The following ZDHHC7 variants were observed in gnomAD, a reference collection of about 807,000 sequenced individuals.
The protein encoded by ZDHHC7 is palmitoyltransferase ZDHHC7.
A neutral mutation model predicts 34.1 loss-of-function variants in ZDHHC7; 12 were observed. The observed-to-expected ratio is 0.35, with a 90% CI of 0.23 to 0.57. The LOEUF (loss-of-function observed/expected upper bound fraction) is 0.57. ZDHHC7 is among the 20% of genes least tolerant of loss of function. ZDHHC7 has a pLI of 0.84. For missense variants in ZDHHC7, 388 were observed against 402.7 expected, an observed-to-expected ratio of 0.96 and a Z score of 0.31; for synonymous variants, 185 against 155.4, an observed-to-expected ratio of 1.19 and a Z score of -1.42.
the ZDHHC7 span, among the ~76,000 whole-genome samples, chr16:85,018,566 G>C: frequency 2.6e-5 from 4 of 151,888 alleles, no homozygotes; most frequent in African/African-American, 9.7e-5. Context: ...TCCTGCCTCA[G>C]CCTCCCTGGT....
chr16:84,995,625 CA>C (rs201447446), intron 2 of ZDHHC7, among the ~76,000 whole-genome samples: 1 of 149,830 alleles, frequency 6.7e-6, no homozygotes, highest in South Asian at 2.1e-4. Flanking sequence ...GACTCCATCT[CA>C]AAAAAAACAG....
chr16:84,986,637 T>C (rs1567496264), intron 3 of ZDHHC7, among the ~76,000 whole-genome samples: 1 of 152,146 alleles, frequency 6.6e-6, no homozygotes, highest in African/African-American at 2.4e-5. Flanking sequence ...GCAGGGTTCA[T>C]TGCTCTATCA....
intron 1 of ZDHHC7, among the ~76,000 whole-genome samples, chr16:85,000,369 G>A (rs1329324300): frequency 6.6e-6 from 1 of 152,194 alleles, no homozygotes; most frequent in East Asian, 1.9e-4. Context: ...GTAACTTCAA[G>A]CAAGTGTCTT....
Position 84,990,724 on chromosome 16 carries a change from T to C in ZDHHC7, c.-17-89A>G, listed in dbSNP as rs557839433. On this transcript the variant is annotated intron_variant, in intron 2 of 7. Coordinates refer to ENST00000313732, the MANE Select transcript of ZDHHC7 (RefSeq NM_017740.3). The stretch of plus-strand genomic sequence containing the variant: ...ATGTGTTACAGTTTGTCCTTGGCCA[T>C]TTCATGAAGTTAGTCTAAATACACA... The C allele has an allele frequency of 4.3e-4, 457 of 1,065,412 alleles. 6 individuals carry two copies. In the South Asian group the frequency reaches 6.9e-3, roughly 16 times the overall value. 66.0% of individuals were successfully genotyped at this position (1,065,412 alleles called of 1,614,324 possible).
intron 5 of ZDHHC7, among the ~76,000 whole-genome samples, chr16:84,978,637 C>T (rs1456245402): frequency 3.3e-5 from 5 of 151,932 alleles, no homozygotes; most frequent in East Asian, 1.9e-4. Flanking sequence ...CCGAGGTGGG[C>T]GGATCGCCTG....
At chr16:85,001,610 G>A (rs2072654366) in intron 1 of ZDHHC7, among the ~76,000 whole-genome samples, 1 of 152,106 alleles carries the variant, frequency 6.6e-6, no homozygotes, top group Non-Finnish European at 1.5e-5. Context: ...GTTGCATATG[G>A]AAATATCTAC....
At chr16:85,009,458 T>C (rs1459629697) in intron 1 of ZDHHC7, among the ~76,000 whole-genome samples, 1 of 151,724 alleles carries the variant, frequency 6.6e-6, no homozygotes, top group East Asian at 1.9e-4. Context: ...TTCAATTCAT[T>C]AATCTGTCAA....
intron 1 of ZDHHC7, among the ~76,000 whole-genome samples, chr16:85,005,340 G>T (rs1296039809): frequency 6.6e-6 from 1 of 152,154 alleles, no homozygotes; most frequent in African/African-American, 2.4e-5. Context: ...AATACATTTA[G>T]CCCTCAATTA....
At chr16:84,998,225 C>T (rs1288361552) in intron 1 of ZDHHC7, among the ~76,000 whole-genome samples, 1 of 148,320 alleles carries the variant, frequency 6.7e-6, no homozygotes. Flanking sequence ...GATCGCACCA[C>T]TGCACTCCAG....
intron 1 of ZDHHC7, among the ~76,000 whole-genome samples, chr16:85,002,268 C>G (rs1406489120): frequency 6.6e-6 from 1 of 151,892 alleles, no homozygotes; most frequent in Middle Eastern, 3.2e-3. Flanking sequence ...CAAGTATGGC[C>G]GTTCACAGGG....
the ZDHHC7 span, among the ~76,000 whole-genome samples, chr16:85,017,250 G>C: frequency 6.6e-6 from 1 of 152,164 alleles, no homozygotes; most frequent in East Asian, 1.9e-4. Context: ...GAGAATATCT[G>C]AAAGATATGA....
At chr16:84,994,433 G>T (rs2072550097) in intron 2 of ZDHHC7, among the ~76,000 whole-genome samples, 1 of 152,230 alleles carries the variant, frequency 6.6e-6, no homozygotes, top group Admixed American at 6.5e-5. Flanking sequence ...CATGAGAAAA[G>T]GAAGGGTGCT....
Position 84,990,645 on chromosome 16 carries a change from G to C in ZDHHC7, c.-17-10C>G. On this transcript the variant is annotated splice_polypyrimidine_tract_variant and intron_variant, in intron 2 of 7. Transcript: ENST00000313732. ...ATTTCCCTGACGCACCCTGGGGAGGGGGACGACACAGAGCTGGTAAGGCTC... is the reference window on the plus strand; with the variant it reads ...ATTTCCCTGACGCACCCTGGGGAGGCGGACGACACAGAGCTGGTAAGGCTC... The C allele has an allele frequency of 6.2e-7, 1 of 1,604,890 alleles. No homozygotes were observed. Among genetic ancestry groups the C allele is most frequent in the Non-Finnish European group, 8.5e-7 (1 of 1,175,246 alleles).
intron 3 of ZDHHC7, chr16:84,989,006 C>G: frequency 1.1e-6 from 1 of 871,676 alleles, no homozygotes; most frequent in Non-Finnish European, 1.8e-6. Context: ...AAGGAGAGGG[C>G]GGAGACACAC....
chr16:85,020,470 C>A, the ZDHHC7 span, among the ~76,000 whole-genome samples: 2 of 152,266 alleles, frequency 1.3e-5, no homozygotes, highest in East Asian at 3.9e-4. Context: ...TGAGATGATA[C>A]ACCCAGGACT....
At chr16:84,980,905 A>C (rs1334046106) in intron 4 of ZDHHC7, among the ~76,000 whole-genome samples, 4 of 152,152 alleles carry the variant, frequency 2.6e-5, no homozygotes, top group Non-Finnish European at 1.5e-5. Flanking sequence ...CTTTCTGGCC[A>C]AACCATGAGG....
chr16:84,982,094 G>A (rs1274105268), intron 3 of ZDHHC7, 100 bp from the exon 4 acceptor site: 6 of 1,493,746 alleles, frequency 4.0e-6, no homozygotes, highest in Non-Finnish European at 4.6e-6. Flanking sequence ...CACTTTGGGA[G>A]GCTGAGGCGG....
At chr16:85,015,102 T>G (rs914162507), upstream of ZDHHC7, among the ~76,000 whole-genome samples, 1 of 141,206 alleles carries the variant, frequency 7.1e-6, no homozygotes, top group Non-Finnish European at 1.5e-5. Context: ...GTTTTGTTGT[T>G]TTTTTTTTTT....
At position 84,977,940 on chromosome 16, in the gene ZDHHC7, G is replaced by A. The variant is rs139333882; in HGVS notation, c.603C>T (p.Val201=). 9.3e-6 allele frequency: 15 copies of A among 1,613,878 alleles called. No individual in the cohort carries two copies. The highest frequency in any genetic ancestry group is 1.3e-5 in the Non-Finnish European group (15 of 1,179,918). ...ILCGFQFISC[V]RGQWTECSDF... The stretch of plus-strand genomic sequence containing the variant: ...GGAACTTACCAGTCCACTGCCCTCG[G>A]ACACAGGAGATGAACTGAAATCCAC... The change falls in exon 6 of 8, where the codon GTC becomes GTT. Residue 201 remains valine (V), a synonymous_variant. Transcript: ENST00000313732.
Sources: allele counts gnomAD v4.1 joint callset (sites outside exome capture counted in the v4.1 genomes callset), GRCh38; gene constraint gnomAD v4.1.1; transcripts MANE v1.5; gene names NCBI Gene and HGNC (gene_info 2026-07-23, HGNC 2026-07-21).